Variants in DISC1 observed in about 807,000 individuals in gnomAD.
DISC1 encodes DISC1 scaffold protein, also known as disrupted in schizophrenia 1 protein.
In DISC1, 57 loss-of-function variants were observed where a neutral mutation model predicts 84.5. The ratio of observed to expected loss-of-function variants is 0.67; its 90% confidence interval spans 0.55 to 0.84. The LOEUF is 0.84. Ranked by LOEUF, DISC1 falls within the 40% of genes least tolerant of loss-of-function variation. The probability of loss-of-function intolerance (pLI) is 0.00; values close to 1 mark genes in which losing one functional copy is unlikely to be tolerated. For synonymous variants in DISC1, 411 were observed against 415.2 expected (o/e 0.99, Z 0.12); for missense variants, 1,000 against 1,057.8 (o/e 0.95, Z 0.76).
chr1:231,658,072 G>T lies in DISC1; in HGVS notation c.67+31138G>T, dbSNP rs112523691. Among the ~76,000 whole-genome samples the T allele has an allele frequency of 9.1e-4, 138 of 152,340 alleles. 1 individual carries two copies. The highest frequency in any genetic ancestry group is 3.2e-3 in the African/African-American group (131 of 41,570). On this transcript the variant is annotated intron_variant, in intron 1 of 12. Coordinates refer to ENST00000439617, the MANE Select transcript of DISC1 (RefSeq NM_018662.3). Reference sequence around the variant, plus strand: ...TTGAATCTATAAATTGCTTTGGGCAGTATGGCTATTTTCATGATATTGATT... The same window carrying T: ...TTGAATCTATAAATTGCTTTGGGCATTATGGCTATTTTCATGATATTGATT...
intron 1 of DISC1, among the ~76,000 whole-genome samples, chr1:231,660,115 G>A (rs2125361100): frequency 6.6e-6 from 1 of 152,170 alleles, no homozygotes; most frequent in Admixed American, 6.5e-5. Flanking sequence ...AGTAGTCTAA[G>A]TGTGTCATTC....
chr1:231,959,880 C>G (rs1007533776), intron 10 of DISC1, among the ~76,000 whole-genome samples: 1 of 152,182 alleles, frequency 6.6e-6, no homozygotes, highest in African/African-American at 2.4e-5. Flanking sequence ...GGCCTTCCTC[C>G]TCTCGCATGT....
intron 4 of DISC1, 41 bp downstream of exon 4, chr1:231,750,117 T>C (rs1351265785): frequency 1.9e-6 from 3 of 1,595,892 alleles, no homozygotes; most frequent in Admixed American, 3.4e-5. Context: ...CTCATGTTTC[T>C]TCCTACCTCT....
intron 6 of DISC1, among the ~76,000 whole-genome samples, chr1:231,785,176 G>A (rs1366448133): frequency 1.3e-5 from 2 of 152,040 alleles, no homozygotes; most frequent in Non-Finnish European, 2.9e-5. Context: ...GAAGGTGAGG[G>A]GACTGAGCAG....
chr1:231,723,028 C>T, intron 3 of DISC1: 1 of 1,099,790 alleles, frequency 9.1e-7, no homozygotes, highest in Non-Finnish European at 1.1e-6. Context: ...ATCATTTTCC[C>T]CTTGGTGGCA....
intron 9 of DISC1, among the ~76,000 whole-genome samples, chr1:231,934,422 C>T (rs961023126): frequency 6.6e-6 from 1 of 152,198 alleles, no homozygotes. Flanking sequence ...GTGTTAATGT[C>T]CTTGTAGCTC....
At position 231,702,032 on chromosome 1, in the gene DISC1, T is replaced by G. The variant is rs1001125241; in HGVS notation, c.1117+8T>G. 6.2e-7 allele frequency: 1 copy of G among 1,600,888 alleles called. No homozygotes were observed. Among genetic ancestry groups the G allele is most frequent in the Non-Finnish European group, 8.5e-7 (1 of 1,176,398 alleles). ...ATGATGATTATGATAAAGGTGAGTTTTAATTTGTTTATTGATTGTTTTGTC... is the reference window on the plus strand; with the variant it reads ...ATGATGATTATGATAAAGGTGAGTTGTAATTTGTTTATTGATTGTTTTGTC... On this transcript the variant is annotated splice_region_variant and intron_variant, in intron 3 of 12. Coordinates refer to ENST00000439617, the MANE Select transcript of DISC1 (RefSeq NM_018662.3).
intron 1 of DISC1, among the ~76,000 whole-genome samples, chr1:231,643,668 G>T (rs535970835): frequency 6.6e-6 from 1 of 152,318 alleles, no homozygotes; most frequent in Admixed American, 6.5e-5. Context: ...TTAAGCATAT[G>T]ACTGGGAATA....
chr1:231,960,357 G>A (rs1441736542), intron 10 of DISC1, among the ~76,000 whole-genome samples: 2 of 152,038 alleles, frequency 1.3e-5, no homozygotes, highest in Non-Finnish European at 2.9e-5. Flanking sequence ...AGGTACTAGC[G>A]ATTCTCCTGT....
intron 4 of DISC1, among the ~76,000 whole-genome samples, chr1:231,760,105 T>C (rs2075524661): frequency 6.6e-6 from 1 of 152,200 alleles, no homozygotes; most frequent in Admixed American, 6.5e-5. Context: ...GGGATAAGAC[T>C]GTATAAAACA....
At chr1:231,819,308 T>C in intron 9 of DISC1, 3 of 292,374 alleles carry the variant, frequency 1.0e-5, no homozygotes, top group Non-Finnish European at 1.5e-5. Context: ...AGATTTGAAA[T>C]AGGGCTTTTG....
intron 2 of DISC1, among the ~76,000 whole-genome samples, chr1:231,701,071 G>A (rs1166756303): frequency 1.3e-5 from 2 of 152,164 alleles, no homozygotes; most frequent in Non-Finnish European, 2.9e-5. Context: ...TAAAGAAAAA[G>A]AGGTTTAACG....
chr1:231,991,009 C>T (rs1490020173), intron 10 of DISC1, among the ~76,000 whole-genome samples: 1 of 152,224 alleles, frequency 6.6e-6, no homozygotes. Context: ...CCATCAGCCT[C>T]GCCAGGCGGC....
intron 11 of DISC1, among the ~76,000 whole-genome samples, chr1:232,012,507 G>A (rs200365599): frequency 9.2e-5 from 14 of 152,268 alleles, no homozygotes; most frequent in Middle Eastern, 3.4e-3. Context: ...ATGTCTATTC[G>A]CTTTGCAGCT....
At chr1:231,713,794 GAT>G (rs961761839) in intron 3 of DISC1, among the ~76,000 whole-genome samples, 204 of 134,932 alleles carry the variant, frequency 1.5e-3, no homozygotes, top group African/African-American at 4.0e-3. Flanking sequence ...ATATATAGGA[GAT>G]ATATATATAT....
At chr1:232,024,422 ATTG>A (rs1339946176) in intron 11 of DISC1, among the ~76,000 whole-genome samples, 1 of 152,196 alleles carries the variant, frequency 6.6e-6, no homozygotes. Flanking sequence ...CTTGGATTTA[ATTG>A]TTATTTGTGG....
intron 8 of DISC1, among the ~76,000 whole-genome samples, chr1:231,817,921 T>C (rs943129088): frequency 6.6e-6 from 1 of 152,204 alleles, no homozygotes; most frequent in Non-Finnish European, 1.5e-5. Flanking sequence ...GAATTTAATT[T>C]AGGTCAACTC....
intron 3 of DISC1, among the ~76,000 whole-genome samples, chr1:231,712,646 A>T (rs997743787): frequency 6.6e-6 from 1 of 152,238 alleles, no homozygotes; most frequent in African/African-American, 2.4e-5. Flanking sequence ...CTGGTCCCTG[A>T]TTACAGAGGG....
intron 3 of DISC1, among the ~76,000 whole-genome samples, chr1:231,719,317 A>G (rs933159310): frequency 6.6e-6 from 1 of 152,250 alleles, no homozygotes; most frequent in Admixed American, 6.5e-5. Flanking sequence ...GTGCTTGGTC[A>G]AAGTAGCCTC....
Sources: allele counts gnomAD v4.1 joint callset (sites outside exome capture counted in the v4.1 genomes callset), GRCh38; gene constraint gnomAD v4.1.1; transcripts MANE v1.5; gene names NCBI Gene and HGNC (gene_info 2026-07-23, HGNC 2026-07-21).